The following LEKR1 variants were observed in gnomAD, a reference collection of about 807,000 sequenced individuals.
LEKR1 encodes the protein leucine, glutamate and lysine rich 1.
Under a neutral mutation model 72.4 loss-of-function variants are expected in LEKR1, and 59 were observed. That is an observed-to-expected ratio of 0.82 (90% CI 0.66 to 1.01). The LOEUF is 1.01. Ranked by LOEUF, LEKR1 falls within the 50% of genes least tolerant of loss-of-function variation. The probability of loss-of-function intolerance (pLI) is 0.00; values close to 1 mark genes in which losing one functional copy is unlikely to be tolerated. For missense variants in LEKR1, 728 were observed against 759.2 expected (o/e 0.96, Z 0.48); for synonymous variants, 257 against 263.2 (o/e 0.98, Z 0.23).
chr3:157,043,114 C>T (rs1024304181), intron 12 of LEKR1, among the ~76,000 whole-genome samples: 5 of 152,110 alleles, frequency 3.3e-5, no homozygotes, highest in African/African-American at 9.7e-5. Flanking sequence ...CTCCTGCTCC[C>T]GCCATGTAAG....
chr3:156,970,463 G>T (rs557212510), intron 6 of LEKR1, among the ~76,000 whole-genome samples: 17 of 152,190 alleles, frequency 1.1e-4, no homozygotes, highest in Admixed American at 8.5e-4. Flanking sequence ...ATGGTTTTAG[G>T]TCTAACGTTT....
intron 7 of LEKR1, among the ~76,000 whole-genome samples, chr3:156,980,648 A>G (rs1246958070): frequency 6.6e-6 from 1 of 152,182 alleles, no homozygotes; most frequent in African/African-American, 2.4e-5. Flanking sequence ...TGTGGAAAGC[A>G]GTCTAGTCAG....
chr3:157,014,511 G>A (rs190866069), intron 10 of LEKR1, among the ~76,000 whole-genome samples: 5 of 152,034 alleles, frequency 3.3e-5, no homozygotes, highest in East Asian at 1.9e-4. Context: ...AATTCCTAAC[G>A]TGTTTTAGTA....
intron 6 of LEKR1, among the ~76,000 whole-genome samples, chr3:156,971,071 G>T (rs557507793): frequency 6.6e-6 from 1 of 151,962 alleles, no homozygotes; most frequent in African/African-American, 2.4e-5. Context: ...GAGGCATCAC[G>T]CTACCTGACT....
chr3:157,002,928 C>T (rs902789749), intron 9 of LEKR1, among the ~76,000 whole-genome samples: 12 of 152,092 alleles, frequency 7.9e-5, no homozygotes. Flanking sequence ...CTGAGTCCAT[C>T]AGAGGAATGC....
intron 5 of LEKR1, among the ~76,000 whole-genome samples, chr3:156,933,235 A>G (rs1247829640): frequency 2.6e-5 from 4 of 152,164 alleles, no homozygotes; most frequent in Non-Finnish European, 5.9e-5. Flanking sequence ...TAAATATACT[A>G]TATATTATGC....
At chr3:156,915,726 C>T (rs1576814499) in intron 3 of LEKR1, among the ~76,000 whole-genome samples, 1 of 151,630 alleles carries the variant, frequency 6.6e-6, no homozygotes, top group African/African-American at 2.4e-5. Flanking sequence ...TTTACTCTGT[C>T]GATAGTTTCT....
At position 156,992,923 on chromosome 3, in the gene LEKR1, C is replaced by G. The variant is rs1436784412; in HGVS notation, c.906-151C>G. ...CACTGCCTAGATGGGAAAATATTAACATTATAGAACCATTCTTTTTTTAAA... is the reference window on the plus strand; with the variant it reads ...CACTGCCTAGATGGGAAAATATTAAGATTATAGAACCATTCTTTTTTTAAA... On this transcript the variant is annotated intron_variant, in intron 8 of 12. Transcript: ENST00000356539. The G allele has an allele frequency of 6.3e-6, 3 of 479,424 alleles. No homozygotes were observed. The East Asian group carries it at 9.9e-5, about 16-fold the overall frequency. 29.7% of individuals were successfully genotyped at this position (479,424 alleles called of 1,614,324 possible).
chr3:157,035,252 A>G (rs1734879415), intron 12 of LEKR1, among the ~76,000 whole-genome samples: 2 of 152,150 alleles, frequency 1.3e-5, no homozygotes, highest in Non-Finnish European at 2.9e-5. Context: ...AACCCACAAT[A>G]TCTCTGTATG....
At chr3:156,957,455 A>C (rs1407299264) in intron 6 of LEKR1, among the ~76,000 whole-genome samples, 1 of 150,662 alleles carries the variant, frequency 6.6e-6, no homozygotes, top group African/African-American at 2.5e-5. Flanking sequence ...TGTTTTAGCA[A>C]TAAACTATCT....
chr3:156,908,521 G>A (rs1722758098), intron 3 of LEKR1, among the ~76,000 whole-genome samples: 1 of 152,000 alleles, frequency 6.6e-6, no homozygotes, highest in Non-Finnish European at 1.5e-5. Context: ...TTTATTGCTT[G>A]ATTCTTCTTG....
Position 156,993,129 on chromosome 3 carries a change from T to C in LEKR1, c.961T>C (p.Tyr321His), listed in dbSNP as rs574574950. Reference sequence around the variant, plus strand: ...CTCTTTAATGACTTGTCAACAGATATATAAAGCATTACAGGAAGAGCTGAC... The same window carrying C: ...CTCTTTAATGACTTGTCAACAGATACATAAAGCATTACAGGAAGAGCTGAC... Reference protein sequence around the residue: ...EDSLMTCQQIYKALQEELTVK... With the variant: ...EDSLMTCQQIHKALQEELTVK... The change falls in exon 9 of 13, where the codon TAT becomes CAT. Residue 321 changes from tyrosine (Y) to histidine (H), a missense_variant. Tyr to His is a moderately conservative substitution (Grantham distance 83, BLOSUM62 2). Coordinates refer to ENST00000356539, the MANE Select transcript of LEKR1 (RefSeq NM_001004316.3). The C allele has an allele frequency of 5.6e-6, 9 of 1,612,222 alleles. No homozygotes were observed. Among genetic ancestry groups the C allele is most frequent in the East Asian group, 2.2e-5 (1 of 44,740 alleles).
intron 3 of LEKR1, among the ~76,000 whole-genome samples, chr3:156,883,822 T>A (rs1719752069): frequency 6.6e-6 from 1 of 152,196 alleles, no homozygotes; most frequent in African/African-American, 2.4e-5. Context: ...AGCTATGTCT[T>A]TTTCAGCAGC....
At chr3:157,022,090 C>T (rs1360640911) in intron 10 of LEKR1, among the ~76,000 whole-genome samples, 1 of 152,134 alleles carries the variant, frequency 6.6e-6, no homozygotes, top group Non-Finnish European at 1.5e-5. Flanking sequence ...GTTTAAGTTG[C>T]ACCCTGCAAC....
chr3:157,031,288 A>G (rs1577020985), intron 12 of LEKR1, among the ~76,000 whole-genome samples: 4 of 152,330 alleles, frequency 2.6e-5, no homozygotes, highest in Admixed American at 2.6e-4. Context: ...ACTGAAAGAC[A>G]TAAGACATTG....
At chr3:156,848,838 A>G (rs939638240) in intron 2 of LEKR1, among the ~76,000 whole-genome samples, 9 of 152,202 alleles carry the variant, frequency 5.9e-5, no homozygotes, top group African/African-American at 2.2e-4. Flanking sequence ...GGCAGTAACT[A>G]AGGTAATAAC....
intron 3 of LEKR1, among the ~76,000 whole-genome samples, chr3:156,869,718 C>T (rs1717701450): frequency 6.6e-6 from 1 of 151,418 alleles, no homozygotes; most frequent in African/African-American, 2.4e-5. Flanking sequence ...TAATATAGTC[C>T]CATTTGTCTA....
chr3:157,023,740 T>A (rs1269834754), intron 10 of LEKR1, among the ~76,000 whole-genome samples: 1 of 152,168 alleles, frequency 6.6e-6, no homozygotes, highest in Admixed American at 6.5e-5. Flanking sequence ...CTCAACTTCA[T>A]CTGCATCTAG....
At chr3:156,928,004 CA>C (rs1724885821) in intron 5 of LEKR1, among the ~76,000 whole-genome samples, 1 of 151,776 alleles carries the variant, frequency 6.6e-6, no homozygotes, top group South Asian at 2.1e-4. Context: ...GAGGCAGTAT[CA>C]AAAATTAAAA....
Sources: allele counts gnomAD v4.1 joint callset (sites outside exome capture counted in the v4.1 genomes callset), GRCh38; gene constraint gnomAD v4.1.1; transcripts MANE v1.5; gene names NCBI Gene and HGNC (gene_info 2026-07-23, HGNC 2026-07-21).